Variants in BRINP3 observed in about 807,000 individuals in gnomAD.
The protein encoded by BRINP3 is BMP/retinoic acid-inducible neural-specific protein 3.
In BRINP3, 19 loss-of-function variants were observed where a neutral mutation model predicts 71.0. The ratio of observed to expected loss-of-function variants is 0.27; its 90% CI spans 0.19 to 0.39. BRINP3 has a LOEUF of 0.39. Ranked by LOEUF, BRINP3 falls within the 10% of genes least tolerant of loss-of-function variation. BRINP3 has a pLI of 1.00. For missense variants in BRINP3, 959 were observed against 940.8 expected (o/e 1.02, Z -0.25); for synonymous variants, 380 against 337.7 (o/e 1.13, Z -1.37).
intron 6 of BRINP3, among the ~76,000 whole-genome samples, chr1:190,191,219 A>G (rs892554758): frequency 2.0e-5 from 3 of 152,132 alleles, no homozygotes; most frequent in African/African-American, 4.8e-5. Flanking sequence ...TGGAGACTTT[A>G]AAAACCCCAT....
At chr1:190,287,892 GT>G in intron 2 of BRINP3, among the ~76,000 whole-genome samples, 1 of 148,824 alleles carries the variant, frequency 6.7e-6, no homozygotes, top group East Asian at 2.0e-4. Context: ...TTAATTTTAT[GT>G]TACATAGTTT....
At chr1:190,462,170 C>T (rs562241891) in intron 1 of BRINP3, among the ~76,000 whole-genome samples, 6 of 152,106 alleles carry the variant, frequency 3.9e-5, no homozygotes, top group Non-Finnish European at 7.4e-5. Context: ...TCTCAGTCTC[C>T]CAAAGTGCTG....
chr1:190,205,824 C>T (rs1295958639), intron 6 of BRINP3, among the ~76,000 whole-genome samples: 1 of 152,028 alleles, frequency 6.6e-6, no homozygotes, highest in Middle Eastern at 3.4e-3. Flanking sequence ...TTTCCAAACC[C>T]GTAACAAAGA....
At chr1:190,276,838 T>G (rs1341003649) in intron 3 of BRINP3, among the ~76,000 whole-genome samples, 2 of 150,636 alleles carry the variant, frequency 1.3e-5, no homozygotes, top group African/African-American at 4.9e-5. Flanking sequence ...AGCCATAGAG[T>G]AATCAAAATG....
At chr1:190,145,391 T>A (rs563916538) in intron 7 of BRINP3, among the ~76,000 whole-genome samples, 1 of 152,342 alleles carries the variant, frequency 6.6e-6, no homozygotes, top group East Asian at 1.9e-4. Context: ...TGATCTTTAT[T>A]TTGAGTCTAG....
At chr1:190,229,744 CA>C (rs1657775883) in intron 5 of BRINP3, among the ~76,000 whole-genome samples, 1 of 150,302 alleles carries the variant, frequency 6.7e-6, no homozygotes, top group Non-Finnish European at 1.5e-5. Flanking sequence ...TGGCATATTT[CA>C]AAATTAATTA....
intron 2 of BRINP3, among the ~76,000 whole-genome samples, chr1:190,360,598 C>A (rs751353820): frequency 6.6e-6 from 1 of 152,178 alleles, no homozygotes; most frequent in East Asian, 1.9e-4. Context: ...CTCAAATAAT[C>A]ATATTTTGCC....
chr1:190,126,417 T>C (rs1042573652), intron 7 of BRINP3, among the ~76,000 whole-genome samples: 1 of 151,892 alleles, frequency 6.6e-6, no homozygotes, highest in African/African-American at 2.4e-5. Context: ...GCTTTGACTG[T>C]CTTTCCTCTG....
intron 7 of BRINP3, among the ~76,000 whole-genome samples, chr1:190,127,089 T>C (rs1175487037): frequency 6.6e-6 from 1 of 151,876 alleles, no homozygotes; most frequent in African/African-American, 2.4e-5. Context: ...TGGAATAAAA[T>C]TATAACTGTA....
intron 2 of BRINP3, chr1:190,302,646 A>C (rs1571687730): frequency 1.3e-5 from 2 of 151,806 alleles, no homozygotes; most frequent in East Asian, 3.9e-4. Flanking sequence ...TATGCAGTAC[A>C]TGCACCATGG....
chr1:190,441,692 T>A (rs991947687), intron 2 of BRINP3, among the ~76,000 whole-genome samples: 4 of 152,112 alleles, frequency 2.6e-5, no homozygotes, highest in African/African-American at 9.7e-5. Context: ...ATTTCTCAAA[T>A]AGGTCAAATA....
intron 6 of BRINP3, among the ~76,000 whole-genome samples, chr1:190,204,762 C>T (rs955020115): frequency 6.6e-6 from 1 of 151,894 alleles, no homozygotes; most frequent in African/African-American, 2.4e-5. Context: ...ATAATTGTAA[C>T]GATGTTTGAG....
chr1:190,164,741 T>G (rs572383199), intron 6 of BRINP3, among the ~76,000 whole-genome samples: 1 of 152,026 alleles, frequency 6.6e-6, no homozygotes, highest in African/African-American at 2.4e-5. Context: ...CATGCCTAGC[T>G]AATATTTTAT....
chr1:190,435,914 T>G (rs1572038882), intron 2 of BRINP3, among the ~76,000 whole-genome samples: 2 of 152,010 alleles, frequency 1.3e-5, no homozygotes, highest in African/African-American at 4.8e-5. Context: ...TTTGAGCTTT[T>G]CACAACCCTG....
intron 7 of BRINP3, among the ~76,000 whole-genome samples, chr1:190,124,298 G>A (rs1007842025): frequency 9.2e-5 from 14 of 152,062 alleles, no homozygotes; most frequent in African/African-American, 1.4e-4. Flanking sequence ...ATAACAAGGC[G>A]GCCCTCACCA....
intron 2 of BRINP3, among the ~76,000 whole-genome samples, chr1:190,319,593 TG>T (rs1666104289): frequency 6.6e-6 from 1 of 152,008 alleles, no homozygotes; most frequent in Admixed American, 6.6e-5. Flanking sequence ...CTTCAAATCA[TG>T]GTGGAAGGCA....
chr1:190,449,725 T>C (rs557525600), intron 2 of BRINP3, among the ~76,000 whole-genome samples: 22 of 152,266 alleles, frequency 1.4e-4, no homozygotes, highest in Non-Finnish European at 2.8e-4. Flanking sequence ...TGCACTGATA[T>C]GTAGTGGTTT....
chr1:190,435,165 A>G (rs2102527726), intron 2 of BRINP3, among the ~76,000 whole-genome samples: 1 of 152,318 alleles, frequency 6.6e-6, no homozygotes, highest in South Asian at 2.1e-4. Context: ...TTTGAAAGTT[A>G]TCAATAATGC....
chr1:190,123,195 A>G (rs1396014254), intron 7 of BRINP3, among the ~76,000 whole-genome samples: 5 of 152,144 alleles, frequency 3.3e-5, no homozygotes, highest in African/African-American at 1.2e-4. Flanking sequence ...CTCAAAAAGT[A>G]TTGGACTCTT....
Sources: allele counts gnomAD v4.1 joint callset (sites outside exome capture counted in the v4.1 genomes callset), GRCh38; gene constraint gnomAD v4.1.1; transcripts MANE v1.5; gene names NCBI Gene and HGNC (gene_info 2026-07-23, HGNC 2026-07-21).